Variants in CPM observed in about 807,000 individuals in gnomAD.
CPM encodes the protein renal carboxypeptidase.
A neutral mutation model predicts 46.4 loss-of-function variants in CPM; 35 were observed. The ratio of observed to expected loss-of-function variants is 0.75; its 90% CI spans 0.58 to 1.00. The LOEUF (loss-of-function observed/expected upper bound fraction) is 1.00, where lower values mean the gene tolerates loss of function less well. CPM is among the 50% of genes least tolerant of loss of function. The pLI, the probability that CPM is intolerant of heterozygous loss-of-function variation, is 0.00. For missense variants in CPM, 422 were observed against 530.4 expected (o/e 0.80, Z 2.01); for synonymous variants, 195 against 195.3 (o/e 1.00, Z 0.01).
At chr12:68,919,422 T>C (rs568969161) in intron 2 of CPM, among the ~76,000 whole-genome samples, 7 of 152,220 alleles carry the variant, frequency 4.6e-5, no homozygotes, top group Non-Finnish European at 1.0e-4. Context: ...GCAGAGATGC[T>C]ATTTGCTCAT....
At chr12:68,941,784 G>C (rs572975165) in intron 1 of CPM, among the ~76,000 whole-genome samples, 92 of 152,256 alleles carry the variant, frequency 6.0e-4, no homozygotes, top group Non-Finnish European at 1.0e-3. Context: ...ACCTCCCCCA[G>C]TACTAAACCT....
chr12:68,932,953 G>T, intron 1 of CPM, 113 bp from the exon 2 acceptor site: 2 of 947,242 alleles, frequency 2.1e-6, no homozygotes, highest in Admixed American at 2.5e-5. Flanking sequence ...GACGCTCCCT[G>T]CCTCCTAAGG....
upstream of CPM, among the ~76,000 whole-genome samples, chr12:68,936,611 T>C (rs2136328107): frequency 6.6e-6 from 1 of 152,300 alleles, no homozygotes; most frequent in Non-Finnish European, 1.5e-5. Flanking sequence ...CTCGAACTCC[T>C]GGCCTCAAAT....
chr12:68,870,282 A>G lies in CPM; in HGVS notation c.549T>C (p.Phe183=). 1 of 1,614,244 alleles carries G rather than the reference A, an allele frequency of 6.2e-7. No individual in the cohort carries two copies. Among genetic ancestry groups the G allele is most frequent in the Non-Finnish European group, 8.5e-7 (1 of 1,180,032 alleles). ...AVMKWLKTET[F]VLSANLHGGA... ...CACCATGGAGGTTTGCAGAGAGGAC[A>G]AACGTCTCTGTTTTCAGCCACTTCA... The change falls in exon 5 of 9, where the codon TTT becomes TTC. Residue 183 remains phenylalanine (F), a synonymous_variant. Coordinates refer to ENST00000551568, the MANE Select transcript of CPM (RefSeq NM_198320.5).
rs1297800022 is a variant in CPM at position 68,959,296 on chromosome 12, G to A, written c.-4+3873C>T. ...TTAGAAAGAGCCAGTCCTCTCCATAGACTGCAACCTAAATGATGAGACTCA... is the reference window on the plus strand; with the variant it reads ...TTAGAAAGAGCCAGTCCTCTCCATAAACTGCAACCTAAATGATGAGACTCA... On this transcript the variant is annotated intron_variant, in intron 1 of 8. Transcript: ENST00000546373. 2.6e-5 allele frequency among the ~76,000 whole-genome samples: 4 copies of A among 152,148 alleles called. No individual in the cohort carries two copies. The East Asian group carries it at 7.7e-4, about 29-fold the overall frequency.
Position 68,932,806 on chromosome 12 carries a change from A to G in CPM, c.32T>C (p.Leu11Ser). MDFPCLWLGL[L>S]LPLVAALDFN... is the part of the protein sequence containing the mutation. Reference sequence around the variant, plus strand: ...ATCCAGCGCAGCTACCAAAGGCAGCAACAGCCCTAGCCAGAGGCACGGGAA... The same window carrying G: ...ATCCAGCGCAGCTACCAAAGGCAGCGACAGCCCTAGCCAGAGGCACGGGAA... The change falls in exon 2 of 9, where the codon TTG becomes TCG. Residue 11 changes from leucine (L) to serine (S), a missense_variant. Coordinates refer to ENST00000551568, the MANE Select transcript of CPM (RefSeq NM_198320.5). The G allele has an allele frequency of 6.2e-7, 1 of 1,614,194 alleles. No homozygotes were observed. The highest frequency in any genetic ancestry group is 8.5e-7 in the Non-Finnish European group (1 of 1,180,026).
chr12:68,890,443 T>C (rs546970144), intron 2 of CPM, among the ~76,000 whole-genome samples: 1 of 152,252 alleles, frequency 6.6e-6, no homozygotes, highest in South Asian at 2.1e-4. Context: ...AAGCACTTTA[T>C]GTTATTTGAT....
At chr12:68,885,928 T>A (rs781027359) in intron 2 of CPM, 39 bp from the exon 3 acceptor site, 9 of 1,557,878 alleles carry the variant, frequency 5.8e-6, no homozygotes, top group Non-Finnish European at 7.9e-6. Context: ...AAGTAAGTTG[T>A]CTCTTAAAAT....
At chr12:68,931,492 C>A (rs1888496903) in intron 2 of CPM, among the ~76,000 whole-genome samples, 3 of 151,668 alleles carry the variant, frequency 2.0e-5, no homozygotes. Context: ...TACCTGTAAT[C>A]CTAGCACTTT....
At chr12:68,927,392 C>A (rs1441689088) in intron 2 of CPM, among the ~76,000 whole-genome samples, 1 of 152,156 alleles carries the variant, frequency 6.6e-6, no homozygotes, top group African/African-American at 2.4e-5. Context: ...ATGTCCTTCA[C>A]CCACTTCTCG....
At chr12:68,889,555 G>A (rs1412619123) in intron 2 of CPM, among the ~76,000 whole-genome samples, 1 of 152,192 alleles carries the variant, frequency 6.6e-6, no homozygotes, top group Non-Finnish European at 1.5e-5. Context: ...GAGGCCAGGT[G>A]TGGTGGCTCA....
At position 68,870,416 on chromosome 12, in the gene CPM, AT is replaced by A. The variant is rs761092643; in HGVS notation, c.432-18del. 1 of 1,607,834 alleles carries A rather than the reference AT, an allele frequency of 6.2e-7. No homozygotes were observed. The highest frequency in any genetic ancestry group is 2.2e-5 in the East Asian group (1 of 44,864). On this transcript the variant is annotated intron_variant, in intron 4 of 8. Transcript: ENST00000551568. Reference sequence around the variant, plus strand: ...TAATTTTCCCTTTAAAAGAAAGAATATTTTAGGGCTTATTGATAGGGCATGA... The same window carrying A: ...TAATTTTCCCTTTAAAAGAAAGAATATTTAGGGCTTATTGATAGGGCATGA...
chr12:68,859,466 T>C (rs974946074), intron 7 of CPM, among the ~76,000 whole-genome samples: 5 of 152,188 alleles, frequency 3.3e-5, no homozygotes, highest in African/African-American at 1.2e-4. Context: ...CAACAAAATA[T>C]TTACGTGTGC....
chr12:68,892,716 G>T (rs1886706110), intron 2 of CPM, among the ~76,000 whole-genome samples: 1 of 152,046 alleles, frequency 6.6e-6, no homozygotes, highest in Admixed American at 6.6e-5. Flanking sequence ...AAAATTAGCT[G>T]GGCGTGGTGG....
intron 7 of CPM, among the ~76,000 whole-genome samples, chr12:68,859,874 G>T (rs929831954): frequency 6.6e-6 from 1 of 152,050 alleles, no homozygotes; most frequent in African/African-American, 2.4e-5. Context: ...TAGATCCTAC[G>T]TGTCACATCT....
chr12:68,900,215 A>G (rs1362269579), intron 2 of CPM, among the ~76,000 whole-genome samples: 1 of 152,240 alleles, frequency 6.6e-6, no homozygotes, highest in African/African-American at 2.4e-5. Flanking sequence ...TGGACAAAAG[A>G]TGGAAACAGC....
chr12:68,933,100 G>A, intron 1 of CPM, 42 bp downstream of exon 1: 1 of 366,650 alleles, frequency 2.7e-6, no homozygotes, highest in South Asian at 3.3e-5. Context: ...CCGTCCGGCA[G>A]CTGCCACAGC....
At chr12:68,882,915 T>C (rs1446596372) in intron 3 of CPM, among the ~76,000 whole-genome samples, 1 of 152,166 alleles carries the variant, frequency 6.6e-6, no homozygotes, top group Non-Finnish European at 1.5e-5. Context: ...AAAATAAAAA[T>C]ACATGGGGGA....
chr12:68,869,357 AC>A lies in CPM; in HGVS notation c.754del (p.Val252LeufsTer53). The A allele has an allele frequency of 6.2e-7, 1 of 1,613,740 alleles. No individual in the cohort carries two copies. The highest frequency in any genetic ancestry group is 1.1e-5 in the South Asian group (1 of 90,974). ...CKNKMNFPNG[V>X]TNGYSWYPLQ... ...TGGATACCAAGAGTATCCATTTGTA[AC>A]ACCATTAGGAAAGTTCATTTTGTTT... On this transcript the variant is annotated frameshift_variant, in exon 6 of 9. Coordinates refer to ENST00000551568, the MANE Select transcript of CPM (RefSeq NM_198320.5). LOFTEE classifies it high-confidence loss of function.
Sources: allele counts gnomAD v4.1 joint callset (sites outside exome capture counted in the v4.1 genomes callset), GRCh38; gene constraint gnomAD v4.1.1; transcripts MANE v1.5; gene names NCBI Gene and HGNC (gene_info 2026-07-23, HGNC 2026-07-21).